PTPRT: variants seen among roughly 807,000 people sequenced by gnomAD.
The protein encoded by PTPRT is protein tyrosine phosphatase receptor type T.
A neutral mutation model predicts 176.8 loss-of-function variants in PTPRT; 56 were observed. The observed-to-expected ratio is 0.32, with a 90% confidence interval of 0.26 to 0.40. The LOEUF is 0.40. PTPRT is among the 10% of genes least tolerant of loss of function. The probability of loss-of-function intolerance (pLI) is 1.00; values close to 1 mark genes in which losing one functional copy is unlikely to be tolerated. For synonymous variants in PTPRT, 783 were observed against 739.0 expected (o/e 1.06, Z -0.96); for missense variants, 1,540 against 1,908.2 (o/e 0.81, Z 3.60).
At chr20:42,296,587 T>C (rs913719457) in intron 12 of PTPRT, among the ~76,000 whole-genome samples, 2 of 152,208 alleles carry the variant, frequency 1.3e-5, no homozygotes, top group South Asian at 2.1e-4. Context: ...AAAATTAATA[T>C]AGTAAATTAT....
intron 1 of PTPRT, among the ~76,000 whole-genome samples, chr20:42,905,232 C>A (rs1026011757): frequency 6.6e-5 from 10 of 152,138 alleles, no homozygotes; most frequent in African/African-American, 2.4e-4. Flanking sequence ...AAATAACAAA[C>A]AACCCCATCA....
At chr20:42,072,422 A>G (rs1446967107), downstream of PTPRT, among the ~76,000 whole-genome samples, 1 of 152,178 alleles carries the variant, frequency 6.6e-6, no homozygotes, top group Non-Finnish European at 1.5e-5. Flanking sequence ...CTCGTTACCA[A>G]GGCAGACCCT....
In PTPRT at chr20:42,878,304, T is replaced by C. The variant is rs139987251; in HGVS notation, c.214+7503A>G. 4.6e-3 allele frequency among the ~76,000 whole-genome samples: 697 copies of C among 152,278 alleles called. 6 individuals carry two copies. Among genetic ancestry groups the C allele is most frequent in the African/African-American group, 0.016 (664 of 41,564 alleles). ...TGGAACATTTAATGACATGGGAAAA[T>C]GCTAAAGAAAAAAGTATTAAATAGC... is the stretch of plus-strand genomic sequence containing the variant. On this transcript the variant is annotated intron_variant, in intron 2 of 30. Transcript: ENST00000373187.
intron 12 of PTPRT, among the ~76,000 whole-genome samples, chr20:42,311,469 T>C (rs1366521190): frequency 6.6e-6 from 1 of 152,104 alleles, no homozygotes; most frequent in Non-Finnish European, 1.5e-5. Context: ...GCAGGTAGAG[T>C]AGGGAGCAAT....
At chr20:43,114,984 C>G (rs1252601626) in intron 1 of PTPRT, among the ~76,000 whole-genome samples, 2 of 152,120 alleles carry the variant, frequency 1.3e-5, no homozygotes, top group African/African-American at 4.8e-5. Flanking sequence ...TAATAGCCAG[C>G]ATTTATTAAG....
chr20:42,953,513 T>G (rs1333668738), intron 1 of PTPRT, among the ~76,000 whole-genome samples: 4 of 152,186 alleles, frequency 2.6e-5, no homozygotes, highest in Admixed American at 2.0e-4. Context: ...GTTGTTCACT[T>G]GAAGAAGAGC....
intron 1 of PTPRT, among the ~76,000 whole-genome samples, chr20:42,935,028 G>A (rs1478116724): frequency 7.2e-6 from 1 of 139,236 alleles, no homozygotes; most frequent in African/African-American, 2.7e-5. Flanking sequence ...AGTGAGCCAA[G>A]ATTGCACCAC....
At position 42,318,055 on chromosome 20, in the gene PTPRT, C is replaced by T. The variant is rs571372132; in HGVS notation, c.1866-2059G>A. ...AAATATAACATTCAGATGAACGTGG[C>T]TAACCTGAGTGTTTAGACTTCTAAA... On this transcript the variant is annotated intron_variant, in intron 11 of 30. Transcript: ENST00000373187. Among the ~76,000 whole-genome samples, 13 of 152,306 alleles carry T rather than the reference C, an allele frequency of 8.5e-5. No homozygotes were observed. In the East Asian group the frequency reaches 2.5e-3, roughly 29 times the overall value.
intron 8 of PTPRT, among the ~76,000 whole-genome samples, chr20:42,463,206 A>C (rs999673616): frequency 6.6e-6 from 1 of 152,002 alleles, no homozygotes; most frequent in Admixed American, 6.6e-5. Flanking sequence ...TTGTAAAAAG[A>C]CTTCTCGGCA....
At chr20:42,439,135 A>G (rs2059289369) in intron 9 of PTPRT, among the ~76,000 whole-genome samples, 2 of 152,164 alleles carry the variant, frequency 1.3e-5, no homozygotes, top group Admixed American at 1.3e-4. Context: ...AAGTTTCTGG[A>G]GGGGAAACAT....
At chr20:42,477,240 C>T (rs1018980805) in intron 7 of PTPRT, among the ~76,000 whole-genome samples, 1 of 152,162 alleles carries the variant, frequency 6.6e-6, no homozygotes, top group Non-Finnish European at 1.5e-5. Context: ...AACCTCACAA[C>T]GTGGCACAGG....
chr20:42,751,712 G>C (rs182273798), intron 6 of PTPRT, among the ~76,000 whole-genome samples: 78 of 152,198 alleles, frequency 5.1e-4, no homozygotes, highest in African/African-American at 1.9e-3. Flanking sequence ...CGAACATCAG[G>C]CCTCAACTTC....
Position 42,411,759 on chromosome 20 carries a change from C to A in PTPRT, c.1560+36461G>T, listed in dbSNP as rs140668843. 4.1e-4 allele frequency among the ~76,000 whole-genome samples: 62 copies of A among 151,758 alleles called. No individual in the cohort carries two copies. In the East Asian group the frequency reaches 0.01, roughly 26 times the overall value. ...AAATTATTTGAAAGACACAAACTAC[C>A]AAATCTCACTCAAGAATTAGGTAAC... On this transcript the variant is annotated intron_variant, in intron 9 of 30. Coordinates refer to ENST00000373187, the MANE Select transcript of PTPRT (RefSeq NM_007050.6).
At chr20:42,354,073 T>A (rs938719979) in intron 9 of PTPRT, among the ~76,000 whole-genome samples, 5 of 150,476 alleles carry the variant, frequency 3.3e-5, no homozygotes, top group African/African-American at 4.9e-5. Context: ...AAAAAAAAAA[T>A]TAATTATGGT....
At chr20:42,487,077 C>T (rs534476814) in intron 7 of PTPRT, among the ~76,000 whole-genome samples, 1 of 152,244 alleles carries the variant, frequency 6.6e-6, no homozygotes, top group South Asian at 2.1e-4. Flanking sequence ...GGCTTGATCC[C>T]CCGAGGGAGG....
At chr20:42,178,093 A>G (rs574511395) in intron 16 of PTPRT, among the ~76,000 whole-genome samples, 1 of 152,086 alleles carries the variant, frequency 6.6e-6, no homozygotes, top group East Asian at 1.9e-4. Context: ...ACCTGCCACC[A>G]CACCCGGCTA....
At chr20:42,039,044 G>A in the PTPRT span, among the ~76,000 whole-genome samples, 1 of 152,192 alleles carries the variant, frequency 6.6e-6, no homozygotes, top group Non-Finnish European at 1.5e-5. Flanking sequence ...GAGCGGGGTT[G>A]TGGAGTTTCT....
chr20:42,104,542 G>A, intron 25 of PTPRT, 27 bp downstream of exon 25: 1 of 1,597,680 alleles, frequency 6.3e-7, no homozygotes, highest in South Asian at 1.1e-5. Flanking sequence ...GACTAAGATG[G>A]TCACCGAGCC....
At chr20:42,562,689 T>A (rs1223830769) in intron 7 of PTPRT, among the ~76,000 whole-genome samples, 1 of 152,198 alleles carries the variant, frequency 6.6e-6, no homozygotes, top group Non-Finnish European at 1.5e-5. Flanking sequence ...CACATTTTGA[T>A]GCCCAGAGGC....
Sources: allele counts gnomAD v4.1 joint callset (sites outside exome capture counted in the v4.1 genomes callset), GRCh38; gene constraint gnomAD v4.1.1; transcripts MANE v1.5; gene names NCBI Gene and HGNC (gene_info 2026-07-23, HGNC 2026-07-21).